The following TMEM117 variants were observed in gnomAD, a reference collection of about 807,000 sequenced individuals.
The protein encoded by TMEM117 is transmembrane protein 117.
A neutral mutation model predicts 52.4 loss-of-function variants in TMEM117; 27 were observed. The ratio of observed to expected loss-of-function variants is 0.51; its 90% CI spans 0.38 to 0.71. The LOEUF is 0.71. Among genes scored for constraint, TMEM117 ranks in the 30% least tolerant of loss-of-function variants. TMEM117 has a pLI of 0.00. For synonymous variants in TMEM117, 215 were observed against 206.3 expected (o/e 1.04, Z -0.36); for missense variants, 556 against 630.5 (o/e 0.88, Z 1.26).
chr12:44,370,463 A>ATATC (rs1409161693), intron 6 of TMEM117, among the ~76,000 whole-genome samples: 1 of 148,146 alleles, frequency 6.8e-6, no homozygotes, highest in Non-Finnish European at 1.5e-5. Flanking sequence ...CTGTTTACTT[A>ATATC]TATCCATCCT....
chr12:44,096,833 G>A (rs948520281), intron 3 of TMEM117, among the ~76,000 whole-genome samples: 2 of 151,898 alleles, frequency 1.3e-5, no homozygotes, highest in Non-Finnish European at 2.9e-5. Context: ...AACACCAAAA[G>A]CAATGGCAAC....
chr12:43,867,283 T>C (rs780388165), intron 2 of TMEM117, among the ~76,000 whole-genome samples: 1 of 152,168 alleles, frequency 6.6e-6, no homozygotes, highest in Non-Finnish European at 1.5e-5. Flanking sequence ...TAAACTGTGA[T>C]AAGTTAAAAA....
At chr12:44,261,536 A>T (rs531632894) in intron 5 of TMEM117, among the ~76,000 whole-genome samples, 144 of 152,246 alleles carry the variant, frequency 9.5e-4, no homozygotes, top group African/African-American at 3.2e-3. Flanking sequence ...TTTATATTTT[A>T]AAAAAACTTG....
At chr12:44,207,775 G>C (rs113638917) in intron 4 of TMEM117, among the ~76,000 whole-genome samples, 1 of 151,320 alleles carries the variant, frequency 6.6e-6, no homozygotes, top group South Asian at 2.1e-4. Flanking sequence ...AAAACAAGGT[G>C]CAGAGAGGTT....
intron 3 of TMEM117, among the ~76,000 whole-genome samples, chr12:44,083,389 G>GTTTTTTTT (rs1160025038): frequency 2.5e-5 from 2 of 80,376 alleles, no homozygotes; most frequent in Non-Finnish European, 4.7e-5. Flanking sequence ...GGTATTGTTA[G>GTTTTTTTT]TTTTTTTTTT....
intron 5 of TMEM117, among the ~76,000 whole-genome samples, chr12:44,255,108 A>G (rs369209170): frequency 6.6e-6 from 1 of 152,106 alleles, no homozygotes; most frequent in Non-Finnish European, 1.5e-5. Flanking sequence ...GAATAGTGCC[A>G]CAATAAACAT....
chr12:44,046,590 A>G (rs1946883930), intron 3 of TMEM117, among the ~76,000 whole-genome samples: 2 of 152,216 alleles, frequency 1.3e-5, no homozygotes, highest in Admixed American at 6.5e-5. Context: ...CGACCTGCCA[A>G]GGTGCTTGCT....
At chr12:44,363,220 T>C (rs1951746232) in intron 6 of TMEM117, among the ~76,000 whole-genome samples, 1 of 152,186 alleles carries the variant, frequency 6.6e-6, no homozygotes, top group Non-Finnish European at 1.5e-5. Context: ...CCACAGTGTC[T>C]CCAATTGCAA....
intron 2 of TMEM117, among the ~76,000 whole-genome samples, chr12:43,921,023 G>A (rs577848874): frequency 1.4e-4 from 22 of 152,026 alleles, no homozygotes; most frequent in African/African-American, 2.7e-4. Context: ...GCTTGTTCCC[G>A]TTCTTATAAA....
intron 2 of TMEM117, among the ~76,000 whole-genome samples, chr12:43,939,370 C>G (rs1945007752): frequency 6.6e-6 from 1 of 152,088 alleles, no homozygotes. Flanking sequence ...CTTCATTTGT[C>G]CTTTTATATT....
intron 3 of TMEM117, among the ~76,000 whole-genome samples, chr12:44,068,357 A>G (rs540000954): frequency 2.8e-4 from 42 of 152,218 alleles, no homozygotes; most frequent in Non-Finnish European, 4.6e-4. Context: ...CTTTTGGCCT[A>G]TCCTGGCTTT....
At chr12:44,265,973 G>A (rs530124134) in intron 5 of TMEM117, among the ~76,000 whole-genome samples, 7 of 152,178 alleles carry the variant, frequency 4.6e-5, no homozygotes, top group Admixed American at 2.6e-4. Flanking sequence ...TATGGATAAA[G>A]CAAATTTTAT....
the TMEM117 span, among the ~76,000 whole-genome samples, chr12:43,802,029 T>TA: frequency 1.3e-5 from 2 of 152,092 alleles, no homozygotes; most frequent in African/African-American, 4.8e-5. Flanking sequence ...GATTCTGCCT[T>TA]AAAAAAGAAA....
chr12:43,957,680 G>A (rs910013298), intron 3 of TMEM117, among the ~76,000 whole-genome samples: 4 of 152,290 alleles, frequency 2.6e-5, no homozygotes, highest in Non-Finnish European at 5.9e-5. Flanking sequence ...AGGTCACCCA[G>A]GGCTGGGAAG....
chr12:43,876,829 A>G (rs1037410710), intron 2 of TMEM117, among the ~76,000 whole-genome samples: 3 of 152,246 alleles, frequency 2.0e-5, no homozygotes, highest in African/African-American at 4.8e-5. Flanking sequence ...AGTTTAAAAT[A>G]CTATATAGAA....
intron 3 of TMEM117, among the ~76,000 whole-genome samples, chr12:44,056,976 A>G (rs1947065734): frequency 6.6e-6 from 1 of 152,152 alleles, no homozygotes; most frequent in Non-Finnish European, 1.5e-5. Context: ...TGATCACAGC[A>G]AGTCTCATGC....
At chr12:43,817,147 G>C in the TMEM117 span, among the ~76,000 whole-genome samples, 1 of 152,330 alleles carries the variant, frequency 6.6e-6, no homozygotes, top group East Asian at 1.9e-4. Context: ...AAAATTCATA[G>C]AGTTTTCAAT....
intron 3 of TMEM117, among the ~76,000 whole-genome samples, chr12:43,973,563 G>A (rs553842057): frequency 1.3e-5 from 2 of 152,290 alleles, no homozygotes; most frequent in South Asian, 4.1e-4. Context: ...TTAACTGCGA[G>A]TGTACAAGGA....
intron 4 of TMEM117, among the ~76,000 whole-genome samples, chr12:44,189,448 T>G (rs1949322871): frequency 6.6e-6 from 1 of 152,192 alleles, no homozygotes; most frequent in Non-Finnish European, 1.5e-5. Flanking sequence ...TAGATTTGCT[T>G]CTATACAATA....
Sources: gnomAD v4.1 joint callset for allele counts (sites outside exome capture counted in the v4.1 genomes callset) on GRCh38, gnomAD v4.1.1 for gene constraint, MANE v1.5 for transcripts, NCBI Gene and HGNC (gene_info 2026-07-23, HGNC 2026-07-21) for gene names.